Variants in C7 observed in about 807,000 individuals in gnomAD.
The protein encoded by C7 is complement C7, also known as complement component C7.
In C7, 83 loss-of-function variants were observed where a neutral mutation model predicts 104.8. The observed-to-expected ratio is 0.79, with a 90% CI of 0.66 to 0.95. C7 has a LOEUF of 0.95. C7 is among the 40% of genes least tolerant of loss of function. The probability of loss-of-function intolerance (pLI) is 0.00; values close to 1 mark genes in which losing one functional copy is unlikely to be tolerated. For synonymous variants in C7, 415 were observed against 360.6 expected (o/e 1.15, Z -1.71); for missense variants, 1,070 against 1,011.2 (o/e 1.06, Z -0.79).
At chr5:40,936,817 C>T (rs1052204554) in intron 5 of C7, among the ~76,000 whole-genome samples, 8 of 151,960 alleles carry the variant, frequency 5.3e-5, no homozygotes, top group Admixed American at 1.3e-4. Flanking sequence ...AGAAAAAATA[C>T]TAATTCAATA....
intron 9 of C7, among the ~76,000 whole-genome samples, chr5:40,955,127 G>T (rs796375468): frequency 3.3e-5 from 5 of 152,110 alleles, no homozygotes; most frequent in African/African-American, 9.6e-5. Flanking sequence ...TTACATTAGG[G>T]TTCACTCTTG....
intron 4 of C7, among the ~76,000 whole-genome samples, chr5:40,936,067 T>A (rs1739808488): frequency 1.3e-5 from 2 of 152,168 alleles, no homozygotes. Context: ...TTAGACAAGC[T>A]GCTTGATGAT....
In C7 at chr5:40,979,760, G is replaced by T; in HGVS notation, c.2201G>T (p.Ser734Ile). The T allele has an allele frequency of 1.9e-6, 3 of 1,613,620 alleles. No homozygotes were observed. The highest frequency in any genetic ancestry group is 2.5e-6 in the Non-Finnish European group (3 of 1,179,682). The change falls in exon 17 of 18, where the codon AGC becomes ATC. Residue 734 changes from serine (S) to isoleucine (I), a missense_variant. Physicochemically the swap from Ser to Ile is moderately radical, Grantham distance 142. Coordinates refer to ENST00000313164, the MANE Select transcript of C7 (RefSeq NM_000587.4). ...GATGTATGTGCTCAAGATGAGAGAA[G>T]CAAAAGGATACTGCCTCTGACAGTT... ...SLDVCAQDERSKRILPLTVCK... is the reference protein window; with the variant it reads ...SLDVCAQDERIKRILPLTVCK...
intron 14 of C7, among the ~76,000 whole-genome samples, chr5:40,966,709 A>T (rs915763024): frequency 6.6e-6 from 1 of 152,058 alleles, no homozygotes; most frequent in Non-Finnish European, 1.5e-5. Context: ...GAGTTACTTC[A>T]CTTAGAATAA....
chr5:40,937,732 G>A (rs1561243941), intron 6 of C7, 42 bp downstream of exon 6: 7 of 1,479,500 alleles, frequency 4.7e-6, no homozygotes, highest in Non-Finnish European at 5.5e-6. Context: ...AATTGTCAGA[G>A]AGCATTATTT....
At chr5:40,966,146 A>G (rs1358499480) in intron 14 of C7, among the ~76,000 whole-genome samples, 2 of 151,924 alleles carry the variant, frequency 1.3e-5, no homozygotes, top group Non-Finnish European at 2.9e-5. Flanking sequence ...TTTGGGGAAC[A>G]GATGGTGTTC....
intron 1 of C7, among the ~76,000 whole-genome samples, chr5:40,927,324 A>G (rs1739574300): frequency 6.6e-6 from 1 of 152,120 alleles, no homozygotes; most frequent in Non-Finnish European, 1.5e-5. Context: ...GAAAAACTGT[A>G]TTTTTCTAGG....
At chr5:40,927,046 A>G (rs1739568172) in intron 1 of C7, among the ~76,000 whole-genome samples, 2 of 150,246 alleles carry the variant, frequency 1.3e-5, no homozygotes, top group African/African-American at 5.0e-5. Context: ...GCAAAACAAT[A>G]GACCCATCAA....
At chr5:40,942,834 G>T (rs1315903689) in intron 6 of C7, among the ~76,000 whole-genome samples, 1 of 150,684 alleles carries the variant, frequency 6.6e-6, no homozygotes, top group African/African-American at 2.4e-5. Context: ...GCGTGATCTC[G>T]GCTCCCTGCA....
Position 40,930,404 on chromosome 5 carries a change from C to T in C7, c.63-660C>T, listed in dbSNP as rs540055274. On this transcript the variant is annotated intron_variant, in intron 2 of 17. Coordinates refer to ENST00000313164, the MANE Select transcript of C7 (RefSeq NM_000587.4). ...TATTTTTAGTAGAGACGGGGTTTCA[C>T]CATGATGGCCCTGTTGGTCTCAAAC... 5.3e-5 allele frequency among the ~76,000 whole-genome samples: 8 copies of T among 151,824 alleles called. No homozygotes were observed. In the South Asian group the frequency reaches 1.7e-3, roughly 32 times the overall value.
At chr5:40,927,077 G>A (rs1739569164) in intron 1 of C7, among the ~76,000 whole-genome samples, 1 of 151,386 alleles carries the variant, frequency 6.6e-6, no homozygotes. Flanking sequence ...AGAATAGAGA[G>A]CCCAGAAATG....
intron 14 of C7, among the ~76,000 whole-genome samples, chr5:40,969,707 G>C (rs1231094245): frequency 6.6e-6 from 1 of 151,666 alleles, no homozygotes; most frequent in African/African-American, 2.4e-5. Context: ...GCTAAAAGCT[G>C]TTTATCTTTT....
chr5:40,942,905 C>A (rs1739970956), intron 6 of C7, among the ~76,000 whole-genome samples: 1 of 152,026 alleles, frequency 6.6e-6, no homozygotes, highest in Admixed American at 6.6e-5. Context: ...GCTGGGATTA[C>A]AGGCACGCAC....
At position 40,976,833 on chromosome 5, in the gene C7, G is replaced by T. The variant is rs761703740; in HGVS notation, c.2158G>T (p.Glu720Ter). 1.2e-6 allele frequency: 2 copies of T among 1,601,310 alleles called. No individual in the cohort carries two copies. Among genetic ancestry groups the T allele is most frequent in the Non-Finnish European group, 8.5e-7 (1 of 1,173,272 alleles). Residue 720 changes from glutamate (E) to a stop codon, truncating the protein, a stop_gained, in exon 16 of 18, where the codon GAA (glutamate) becomes TAA (stop). Transcript: ENST00000313164. LOFTEE classifies it high-confidence loss of function. ...NSRCVCKMPY[E>*]CGPSLDVCAQ... Reference sequence around the variant, plus strand: ...AAGATGTGTTTGTAAAATGCCCTACGAATGTGGGTAAGTGCCGCCTTTGCT... The same window carrying T: ...AAGATGTGTTTGTAAAATGCCCTACTAATGTGGGTAAGTGCCGCCTTTGCT...
chr5:40,982,970 AG>A lies in C7; in HGVS notation c.*1398del, dbSNP rs1216938105. 2 of 152,364 alleles carry A rather than the reference AG, an allele frequency of 1.3e-5. No individual in the cohort carries two copies. The highest frequency in any genetic ancestry group is 2.9e-5 in the Non-Finnish European group (2 of 68,042). The allele number at this position is 152,364 out of a possible 1,614,324, so 9.4% of individuals were successfully genotyped here. A position where few individuals can be genotyped will look rare whatever the true frequency, so the allele number is the denominator to read the frequency against. ...TCATTTGTATGATGTTTCATTTTAG[AG>A]AAGATTTTCATGATGAATGGTTAAT... On this transcript the variant is annotated 3_prime_UTR_variant, in exon 18 of 18. Transcript: ENST00000313164.
rs754961610 is a variant in C7 at position 40,934,366 on chromosome 5, C to T, written c.180C>T (p.Gly60=). The T allele has an allele frequency of 5.6e-6, 9 of 1,613,386 alleles. No homozygotes were observed. The highest frequency in any genetic ancestry group is 7.6e-6 in the Non-Finnish European group (9 of 1,179,644). ...RSVAVYGQYG[G]QPCVGNAFET... ...TTGCTGTGTATGGGCAGTATGGAGGCCAGCCTTGTGTTGGAAATGCTTTTG... is the reference window on the plus strand; with the variant it reads ...TTGCTGTGTATGGGCAGTATGGAGGTCAGCCTTGTGTTGGAAATGCTTTTG... Residue 60 remains glycine, a synonymous_variant, in exon 4 of 18, where the codon GGC becomes GGT. Coordinates refer to ENST00000313164, the MANE Select transcript of C7 (RefSeq NM_000587.4).
intron 1 of C7, among the ~76,000 whole-genome samples, chr5:40,922,112 C>A (rs1472224152): frequency 6.8e-6 from 1 of 146,246 alleles, no homozygotes; most frequent in African/African-American, 2.5e-5. Context: ...TGCAGTGGCT[C>A]ATGCCTGTAA....
At position 40,975,212 on chromosome 5, in the gene C7, A is replaced by T. The variant is rs188073863; in HGVS notation, c.2075-1538A>T. Among the ~76,000 whole-genome samples, 267 of 151,896 alleles carry T rather than the reference A, an allele frequency of 1.8e-3. 1 individual carries two copies. The highest frequency in any genetic ancestry group is 6.3e-3 in the African/African-American group (258 of 41,160). The stretch of plus-strand genomic sequence containing the variant: ...TCTTACATAACACAACTTGGTTAAA[A>T]CTAAAAAATTAATATTAGTACAATG... On this transcript the variant is annotated intron_variant, in intron 15 of 17. Coordinates refer to ENST00000313164, the MANE Select transcript of C7 (RefSeq NM_000587.4).
chr5:40,913,595 A>G (rs1739256835), intron 1 of C7, among the ~76,000 whole-genome samples: 1 of 152,132 alleles, frequency 6.6e-6, no homozygotes, highest in Non-Finnish European at 1.5e-5. Flanking sequence ...CCTGGGCTCA[A>G]GTGATCCTCC....
Sources: allele counts gnomAD v4.1 joint callset (sites outside exome capture counted in the v4.1 genomes callset), GRCh38; gene constraint gnomAD v4.1.1; transcripts MANE v1.5; gene names NCBI Gene and HGNC (gene_info 2026-07-23, HGNC 2026-07-21).